The following WASHC5 variants were observed in gnomAD, a reference collection of about 807,000 sequenced individuals.
The protein encoded by WASHC5 is WASH complex subunit 5.
A neutral mutation model predicts 150.4 loss-of-function variants in WASHC5; 101 were observed. That is an observed-to-expected ratio of 0.67 (90% CI 0.57 to 0.79). WASHC5 has a LOEUF of 0.79. WASHC5 is among the 30% of genes least tolerant of loss of function. The pLI is 0.00. For missense variants in WASHC5, 1,195 were observed against 1,396.3 expected, an observed-to-expected ratio of 0.86 and a Z score of 2.30; for synonymous variants, 467 against 491.2, an observed-to-expected ratio of 0.95 and a Z score of 0.65.
intron 28 of WASHC5, among the ~76,000 whole-genome samples, chr8:125,027,036 T>A (rs943066135): frequency 5.3e-5 from 8 of 152,200 alleles, no homozygotes; most frequent in African/African-American, 1.9e-4. Flanking sequence ...TTATAGTTTT[T>A]TAATAAAGTG....
intron 1 of WASHC5, among the ~76,000 whole-genome samples, chr8:125,089,199 G>A (rs1419487511): frequency 3.3e-5 from 5 of 152,158 alleles, no homozygotes; most frequent in Non-Finnish European, 7.3e-5. Context: ...GAGAGGGAAA[G>A]GGGAAATAAT....
At chr8:125,038,363 A>G (rs1815779124) in intron 25 of WASHC5, among the ~76,000 whole-genome samples, 1 of 152,222 alleles carries the variant, frequency 6.6e-6, no homozygotes, top group African/African-American at 2.4e-5. Context: ...AGATTTTGCC[A>G]TGCAAAGAGA....
At chr8:125,078,183 G>C (rs1817119871) in intron 6 of WASHC5, among the ~76,000 whole-genome samples, 2 of 152,176 alleles carry the variant, frequency 1.3e-5, no homozygotes, top group Admixed American at 1.3e-4. Flanking sequence ...CTGGCAAGGG[G>C]AGTGGGGCGA....
intron 26 of WASHC5, among the ~76,000 whole-genome samples, chr8:125,036,674 AAAAT>A (rs908158690): frequency 1.4e-5 from 2 of 143,582 alleles, no homozygotes; most frequent in African/African-American, 6.0e-5. Context: ...CTTGTCTCAA[AAAAT>A]AAATAAAATA....
intron 9 of WASHC5, among the ~76,000 whole-genome samples, chr8:125,069,257 C>A (rs1428946111): frequency 6.6e-6 from 1 of 152,212 alleles, no homozygotes; most frequent in African/African-American, 2.4e-5. Context: ...TTGACCCTTG[C>A]TAGATGCTGG....
In WASHC5 at chr8:125,079,135, T is replaced by TATATATATATATATAC. The variant is rs35442808; in HGVS notation, c.519-206_519-205insGTATATATATATATAT. Among the ~76,000 whole-genome samples the TATATATATATATATAC allele has an allele frequency of 6.4e-3, 750 of 117,336 alleles. 1 individual carries two copies. The highest frequency in any genetic ancestry group is 0.021 in the Middle Eastern group (4 of 194). The allele number at this position is 117,336 out of a possible 152,430, so 77.0% of individuals were successfully genotyped here. The stretch of plus-strand genomic sequence containing the variant: ...GTGTGTGTATATATATATATATATA[T>TATATATATATATATAC]ATATACATTTTTTTTTGAGATGGAG... On this transcript the variant is annotated intron_variant, in intron 5 of 28. Transcript: ENST00000318410.
Position 125,044,070 on chromosome 8 carries a change from T to C in WASHC5, c.2692A>G (p.Ile898Val). 1.2e-6 allele frequency: 2 copies of C among 1,612,758 alleles called. No individual in the cohort carries two copies. The highest frequency in any genetic ancestry group is 1.7e-6 in the Non-Finnish European group (2 of 1,178,770). The change falls in exon 22 of 29, where the codon ATT becomes GTT. Residue 898 changes from isoleucine (I) to valine (V), a missense_variant. Around this residue, in one of 3 missense-constraint regions of WASHC5, gnomAD observed 997 missense variants for 1,168.1 expected, o/e 0.85. Coordinates refer to ENST00000318410, the MANE Select transcript of WASHC5 (RefSeq NM_014846.4). ...LQNFLSMFQK[I>V]ILRDRTVQDT... ...TGAACAGTTCTGTCTCTCAGGATAA[T>C]TTTCTGAAACATACTGAGGAAATTC...
chr8:125,026,607 T>C (rs939142582), intron 28 of WASHC5, among the ~76,000 whole-genome samples: 1 of 152,170 alleles, frequency 6.6e-6, no homozygotes, highest in Non-Finnish European at 1.5e-5. Context: ...TAAAGGGGAC[T>C]AAGTTGCTAT....
chr8:125,053,004 A>C (rs1043718971), intron 17 of WASHC5, among the ~76,000 whole-genome samples: 2 of 152,224 alleles, frequency 1.3e-5, no homozygotes, highest in African/African-American at 2.4e-5. Context: ...TAAAGTATTG[A>C]ATATCTCATG....
chr8:125,057,754 C>G, intron 14 of WASHC5, 88 bp from the exon 15 acceptor site: 2 of 863,322 alleles, frequency 2.3e-6, no homozygotes, highest in Non-Finnish European at 3.7e-6. Context: ...TACAACAAAA[C>G]ATTTGGGTTT....
chr8:125,066,748 G>C (rs1816753520), intron 10 of WASHC5, among the ~76,000 whole-genome samples: 1 of 152,056 alleles, frequency 6.6e-6, no homozygotes, highest in Non-Finnish European at 1.5e-5. Context: ...CCAGCCAACT[G>C]GTCTTTCAGG....
At chr8:125,077,285 G>A (rs188531398) in intron 6 of WASHC5, among the ~76,000 whole-genome samples, 4 of 152,340 alleles carry the variant, frequency 2.6e-5, no homozygotes, top group Non-Finnish European at 5.9e-5. Flanking sequence ...GAATGCCTTC[G>A]CTCTTTCTCC....
At chr8:125,051,548 G>A (rs1348072946) in intron 17 of WASHC5, among the ~76,000 whole-genome samples, 1 of 152,222 alleles carries the variant, frequency 6.6e-6, no homozygotes, top group Non-Finnish European at 1.5e-5. Context: ...TGGAGCAACT[G>A]AAGGTGAAAG....
rs754817831 is a variant in WASHC5 at position 125,075,108 on chromosome 8, T to A, written c.868A>T (p.Ile290Phe). Reference sequence around the variant, plus strand: ...ACTGTGATCCCCATGTAAATACTAATTACCTGAAAGAGGAGACATTCAGAA... The same window carrying A: ...ACTGTGATCCCCATGTAAATACTAAATACCTGAAAGAGGAGACATTCAGAA... ...VDKYFPDNWV[I>F]SIYMGITVNL... Residue 290 changes from isoleucine to phenylalanine, a missense_variant, in exon 8 of 29, where the codon ATT (isoleucine) becomes TTT (phenylalanine). Transcript: ENST00000318410. The A allele has an allele frequency of 6.4e-7, 1 of 1,568,946 alleles. No individual in the cohort carries two copies. The highest frequency in any genetic ancestry group is 8.8e-7 in the Non-Finnish European group (1 of 1,139,104).
In WASHC5 at chr8:125,028,775, T is replaced by C. The variant is rs1378022091; in HGVS notation, c.3336-68A>G. On this transcript the variant is annotated intron_variant, in intron 27 of 28. Transcript: ENST00000318410. ...TCATAAGCCCTTTTGGTCAGAATCC[T>C]GAAAGACTAAATTACCAACAGATTA... 7 of 1,063,344 alleles carry C rather than the reference T, an allele frequency of 6.6e-6. 1 individual carries two copies. In the East Asian group the frequency reaches 1.7e-4, roughly 25 times the overall value. The allele number at this position is 1,063,344 out of a possible 1,614,324, so 65.9% of individuals were successfully genotyped here. A position where few individuals can be genotyped will look rare whatever the true frequency, so the allele number is the denominator to read the frequency against.
chr8:125,028,452 G>A (rs1482340537), intron 28 of WASHC5, among the ~76,000 whole-genome samples, 168 bp downstream of exon 28: 1 of 152,196 alleles, frequency 6.6e-6, no homozygotes, highest in Non-Finnish European at 1.5e-5. Context: ...CAATTCCCAT[G>A]GTGGAAAAGG....
intron 14 of WASHC5, among the ~76,000 whole-genome samples, 180 bp from the exon 15 acceptor site, chr8:125,057,846 A>C (rs1816459654): frequency 6.6e-6 from 1 of 152,048 alleles, no homozygotes. Context: ...TGGTTCTTAA[A>C]CTGTGCTCCC....
intron 26 of WASHC5, among the ~76,000 whole-genome samples, chr8:125,034,981 T>C (rs564427051): frequency 9.2e-5 from 14 of 152,340 alleles, no homozygotes; most frequent in African/African-American, 3.1e-4. Flanking sequence ...TTTTCGGATA[T>C]ACAGTTTCAA....
intron 15 of WASHC5, among the ~76,000 whole-genome samples, chr8:125,057,322 T>C (rs1816438411): frequency 6.6e-6 from 1 of 152,222 alleles, no homozygotes; most frequent in Admixed American, 6.5e-5. Flanking sequence ...AAAATAGATG[T>C]GAATACCACC....
Sources: gnomAD v4.1 joint callset for allele counts (sites outside exome capture counted in the v4.1 genomes callset) on GRCh38, gnomAD v4.1.1 for gene constraint, gnomAD v4.1.1 regional missense constraint, MANE v1.5 for transcripts, NCBI Gene and HGNC (gene_info 2026-07-23, HGNC 2026-07-21) for gene names.